OR4K2: variants seen among roughly 807,000 people sequenced by gnomAD.
OR4K2 encodes olfactory receptor 4K2.
A neutral mutation model predicts 10.5 loss-of-function variants in OR4K2; 8 were observed. That is an observed-to-expected ratio of 0.76 (90% CI 0.45 to 1.37). The LOEUF (loss-of-function observed/expected upper bound fraction) is 1.37. OR4K2 is among the 40% of genes most tolerant of loss of function. OR4K2 has a pLI of 0.00. For missense variants in OR4K2, 547 were observed against 379.5 expected (o/e 1.44, Z -3.67); for synonymous variants, 178 against 133.6 (o/e 1.33, Z -2.29).
In OR4K2 at chr14:19,876,358, T is replaced by A; in HGVS notation, c.91T>A (p.Phe31Ile). 6.2e-7 allele frequency: 1 copy of A among 1,614,104 alleles called. No individual in the cohort carries two copies. Among genetic ancestry groups the A allele is most frequent in the Non-Finnish European group, 8.5e-7 (1 of 1,179,966 alleles). Residue 31 changes from phenylalanine (F) to isoleucine (I), a missense_variant, in exon 2 of 2, where the codon TTT becomes ATT. Phe to Ile is a conservative substitution (Grantham distance 21). Coordinates refer to ENST00000641885, the MANE Select transcript of OR4K2 (RefSeq NM_001005501.2). The stretch of plus-strand genomic sequence containing the variant: ...ACTACAGATGTTTTTCTTTATGGTG[T>A]TTTCATTGCTTTATGTGGCAACAAT... ...WELQMFFFMV[F>I]SLLYVATMVG... is the part of the protein sequence containing the mutation.
rs557300031 is a variant in OR4K2, at chr14:19,875,875, G to A, written c.-283G>A. 1.5e-5 allele frequency: 3 copies of A among 194,064 alleles called. No individual in the cohort carries two copies. Among genetic ancestry groups the A allele is most frequent in the African/African-American group, 7.1e-5 (3 of 42,294 alleles). The allele number at this position is 194,064 out of a possible 1,614,324, so 12.0% of individuals were successfully genotyped here. A position where few individuals can be genotyped will look rare whatever the true frequency, so the allele number is the denominator to read the frequency against. On this transcript the variant is annotated 5_prime_UTR_variant, in exon 1 of 2. Coordinates refer to ENST00000641885, the MANE Select transcript of OR4K2 (RefSeq NM_001005501.2). ...ATTCCAAATGACTAAACATGTATGT[G>A]TATGTGTGTTTCACACATTGTCAGC...
rs1182867591 is a variant in OR4K2, at chr14:19,875,557, A to G, written c.-601A>G. ...AAATATTTATAAGGAACACAGTCAT[A>G]TTTTAATTAAAAAGAAAGGACCAAA... On this transcript the variant is annotated 5_prime_UTR_variant, in exon 1 of 2. It adds an upstream start codon to the 5' untranslated region. Transcript: ENST00000641885. The G allele has an allele frequency of 6.6e-6, 1 of 152,248 alleles. No homozygotes were observed. The highest frequency in any genetic ancestry group is 1.5e-5 in the Non-Finnish European group (1 of 68,024). 9.4% of individuals were successfully genotyped at this position (152,248 alleles called of 1,614,324 possible). A position where few individuals can be genotyped will look rare whatever the true frequency, so the allele number is the denominator to read the frequency against.
Position 19,877,073 on chromosome 14 carries a change from A to G in OR4K2, c.806A>G (p.Lys269Arg), listed in dbSNP as rs750557447. The change falls in exon 2 of 2, where the codon AAG becomes AGG. Residue 269 changes from lysine to arginine, a missense_variant. Physicochemically the swap from Lys to Arg is conservative, Grantham distance 26 (BLOSUM62 2). Transcript: ENST00000641885. The stretch of plus-strand genomic sequence containing the variant: ...CCACTAAGCAGCTTTCTCACAGACA[A>G]GATTCTGTCTGTGTTTTATACCATC... ...MWPLSSFLTD[K>R]ILSVFYTIFT... The G allele has an allele frequency of 3.1e-6, 5 of 1,611,400 alleles. No individual in the cohort carries two copies. The highest frequency in any genetic ancestry group is 2.5e-6 in the Non-Finnish European group (3 of 1,179,510).
chr14:19,876,260 T>A lies in OR4K2; in HGVS notation c.-8T>A, dbSNP rs774559229. 4.4e-5 allele frequency: 42 copies of A among 951,806 alleles called. No individual in the cohort carries two copies. Among genetic ancestry groups the A allele is most frequent in the Non-Finnish European group, 6.7e-5 (41 of 613,928 alleles). 59.0% of individuals were successfully genotyped at this position (951,806 alleles called of 1,614,324 possible). ...CGTGATACAGGCTTCTGCCTATGAATCAAGACAATGGATGTGGGCAATAAG... is the reference window on the plus strand; with the variant it reads ...CGTGATACAGGCTTCTGCCTATGAAACAAGACAATGGATGTGGGCAATAAG... On this transcript the variant is annotated 5_prime_UTR_variant, in exon 2 of 2. Coordinates refer to ENST00000641885, the MANE Select transcript of OR4K2 (RefSeq NM_001005501.2).
In OR4K2 at chr14:19,877,425, G is replaced by T; in HGVS notation, c.*213G>T. On this transcript the variant is annotated 3_prime_UTR_variant, in exon 2 of 2. Transcript: ENST00000641885. ...GACTATAAAAATGTCAGGAGTGACA[G>T]TTCCAGTTAGGACATTCAATATCAA... 1 of 460,950 alleles carries T rather than the reference G, an allele frequency of 2.2e-6. No individual in the cohort carries two copies. Among genetic ancestry groups the T allele is most frequent in the Non-Finnish European group, 3.9e-6 (1 of 257,840 alleles). 28.6% of individuals were successfully genotyped at this position (460,950 alleles called of 1,614,324 possible). A position where few individuals can be genotyped will look rare whatever the true frequency, so the allele number is the denominator to read the frequency against.
Position 19,877,092 on chromosome 14 carries a change from T to C in OR4K2, c.825T>C (p.Tyr275=). ...CAGACAAGATTCTGTCTGTGTTTTATACCATCTTTACTCCCACTCTGAACC... is the reference window on the plus strand; with the variant it reads ...CAGACAAGATTCTGTCTGTGTTTTACACCATCTTTACTCCCACTCTGAACC... ...FLTDKILSVF[Y]TIFTPTLNPI... Residue 275 remains tyrosine (Y), a synonymous_variant, in exon 2 of 2, where the codon TAT becomes TAC. Coordinates refer to ENST00000641885, the MANE Select transcript of OR4K2 (RefSeq NM_001005501.2). The C allele has an allele frequency of 1.2e-6, 2 of 1,609,774 alleles. No homozygotes were observed. The highest frequency in any genetic ancestry group is 4.5e-5 in the East Asian group (2 of 44,876).
rs1258077271 is a variant in OR4K2 at position 19,876,679 on chromosome 14, C to G, written c.412C>G (p.Pro138Ala). The G allele has an allele frequency of 1.2e-6, 2 of 1,614,020 alleles. No individual in the cohort carries two copies. Among genetic ancestry groups the G allele is most frequent in the Middle Eastern group, 1.6e-4 (1 of 6,082 alleles). ...CCTGCACTATGCTTCTGTCATTAGT[C>G]CCCAGGTGTGTGTTGCTCTCGTGGT... ...KPLHYASVIS[P>A]QVCVALVVAS... The change falls in exon 2 of 2, where the codon CCC becomes GCC. Residue 138 changes from proline to alanine, a missense_variant. Coordinates refer to ENST00000641885, the MANE Select transcript of OR4K2 (RefSeq NM_001005501.2).
At position 19,875,898 on chromosome 14, in the gene OR4K2, A is replaced by C. The variant is rs1190338532; in HGVS notation, c.-260A>C. The C allele has an allele frequency of 4.7e-6, 1 of 210,998 alleles. No individual in the cohort carries two copies. The highest frequency in any genetic ancestry group is 2.3e-5 in the African/African-American group (1 of 42,650). 13.1% of individuals were successfully genotyped at this position (210,998 alleles called of 1,614,324 possible). ...GTGTATGTGTGTTTCACACATTGTC[A>C]GCATAAAGTAAGTTCTTACTGTTAT... On this transcript the variant is annotated 5_prime_UTR_variant, in exon 1 of 2. Coordinates refer to ENST00000641885, the MANE Select transcript of OR4K2 (RefSeq NM_001005501.2).
Position 19,876,387 on chromosome 14 carries a change from G to A in OR4K2, c.120G>A (p.Val40=), listed in dbSNP as rs777621716. 8 of 1,613,958 alleles carry A rather than the reference G, an allele frequency of 5.0e-6. No homozygotes were observed. The highest frequency in any genetic ancestry group is 2.2e-5 in the South Asian group (2 of 91,080). ...CATTGCTTTATGTGGCAACAATGGT[G>A]GGTAACAGCCTCATAGTCATCACAG... ...VFSLLYVATM[V]GNSLIVITVI... Residue 40 remains valine, a synonymous_variant, in exon 2 of 2, where the codon GTG becomes GTA. Coordinates refer to ENST00000641885, the MANE Select transcript of OR4K2 (RefSeq NM_001005501.2).
Position 19,876,797 on chromosome 14 carries a change from T to C in OR4K2, c.530T>C (p.Phe177Ser). Residue 177 changes from phenylalanine (F) to serine (S), a missense_variant, in exon 2 of 2, where the codon TTT (phenylalanine) becomes TCT (serine). Phe to Ser is a radical substitution (Grantham distance 155). Coordinates refer to ENST00000641885, the MANE Select transcript of OR4K2 (RefSeq NM_001005501.2). ...TGTGGTCCCTATGAGGTAGACAGCT[T>C]TTTCTGTGACCTTCCTGTGGTGTTC... ...PFCGPYEVDS[F>S]FCDLPVVFQL... 6.2e-7 allele frequency: 1 copy of C among 1,614,230 alleles called. No individual in the cohort carries two copies. Among genetic ancestry groups the C allele is most frequent in the Non-Finnish European group, 8.5e-7 (1 of 1,180,022 alleles).
In OR4K2 at chr14:19,877,543, G is replaced by T; in HGVS notation, c.*331G>T. 1 of 234,056 alleles carries T rather than the reference G, an allele frequency of 4.3e-6. No homozygotes were observed. The highest frequency in any genetic ancestry group is 5.8e-5 in the South Asian group (1 of 17,184). 14.5% of individuals were successfully genotyped at this position (234,056 alleles called of 1,614,324 possible). On this transcript the variant is annotated 3_prime_UTR_variant, in exon 2 of 2. Coordinates refer to ENST00000641885, the MANE Select transcript of OR4K2 (RefSeq NM_001005501.2). The stretch of plus-strand genomic sequence containing the variant: ...AGATAATGACAATTACCCACAGTGA[G>T]CAACTGAGTCACTTAGTGAGATGCT...
At position 19,881,822 on chromosome 14, in the gene OR4K2, T is replaced by A. The variant is rs1355964147; in HGVS notation, c.*4610T>A. On this transcript the variant is annotated 3_prime_UTR_variant, in exon 2 of 2. Coordinates refer to ENST00000641885, the MANE Select transcript of OR4K2 (RefSeq NM_001005501.2). Reference sequence around the variant, plus strand: ...TAAAGAAAATTTAAAGGAGAGATTTTTTTTTTTAGTTTGAGACTAGAAATA... The same window carrying A: ...TAAAGAAAATTTAAAGGAGAGATTTATTTTTTTAGTTTGAGACTAGAAATA... The A allele has an allele frequency of 2.0e-5, 3 of 151,968 alleles. No homozygotes were observed. The highest frequency in any genetic ancestry group is 2.0e-4 in the Admixed American group (3 of 15,268). 9.4% of individuals were successfully genotyped at this position (151,968 alleles called of 1,614,324 possible). A position where few individuals can be genotyped will look rare whatever the true frequency, so the allele number is the denominator to read the frequency against.
Position 19,882,840 on chromosome 14 carries a change from T to TTC in OR4K2, c.*5629_*5630insCT. The TTC allele has an allele frequency of 6.6e-6, 1 of 150,774 alleles. No homozygotes were observed. Among genetic ancestry groups the TTC allele is most frequent in the East Asian group, 1.9e-4 (1 of 5,212 alleles). The allele number at this position is 150,774 out of a possible 1,614,324, so 9.3% of individuals were successfully genotyped here. A position where few individuals can be genotyped will look rare whatever the true frequency, so the allele number is the denominator to read the frequency against. ...TTTCTTTTTTTTTTCTTTTTTTTTT[T>TTC]TTTTTGAGACGGAGTCTTGCTCTGT... On this transcript the variant is annotated 3_prime_UTR_variant, in exon 2 of 2. Coordinates refer to ENST00000641885, the MANE Select transcript of OR4K2 (RefSeq NM_001005501.2).
rs368329389 is a variant in OR4K2, at chr14:19,876,740, G to C, written c.473G>C (p.Ser158Thr). The part of the protein sequence containing the change: ...SWIMGVMHSM[S>T]QVIFALTLPF... ...ATTATGGGAGTTATGCATTCAATGA[G>C]TCAGGTCATATTTGCCCTCACGTTA... The change falls in exon 2 of 2, where the codon AGT becomes ACT. Residue 158 changes from serine to threonine, a missense_variant. Coordinates refer to ENST00000641885, the MANE Select transcript of OR4K2 (RefSeq NM_001005501.2). 2 of 1,614,194 alleles carry C rather than the reference G, an allele frequency of 1.2e-6. No individual in the cohort carries two copies. Among genetic ancestry groups the C allele is most frequent in the Non-Finnish European group, 8.5e-7 (1 of 1,180,010 alleles).
Position 19,882,585 on chromosome 14 carries a change from C to T in OR4K2, c.*5373C>T, listed in dbSNP as rs1461829206. On this transcript the variant is annotated 3_prime_UTR_variant, in exon 2 of 2. Transcript: ENST00000641885. The stretch of plus-strand genomic sequence containing the variant: ...CAAAATAGAACTTCGCCAGCCACCC[C>T]TGAAGTCCTCAAGTTTGTTCATCTC... The T allele has an allele frequency of 1.3e-5, 2 of 152,394 alleles. No individual in the cohort carries two copies. Among genetic ancestry groups the T allele is most frequent in the East Asian group, 1.9e-4 (1 of 5,188 alleles). 9.4% of individuals were successfully genotyped at this position (152,394 alleles called of 1,614,324 possible). A position where few individuals can be genotyped will look rare whatever the true frequency, so the allele number is the denominator to read the frequency against.
At position 19,879,396 on chromosome 14, in the gene OR4K2, T is replaced by C. The variant is rs1334247391; in HGVS notation, c.*2184T>C. 1 of 152,300 alleles carries C rather than the reference T, an allele frequency of 6.6e-6. No individual in the cohort carries two copies. The highest frequency in any genetic ancestry group is 1.5e-5 in the Non-Finnish European group (1 of 68,096). The allele number at this position is 152,300 out of a possible 1,614,324, so 9.4% of individuals were successfully genotyped here. A position where few individuals can be genotyped will look rare whatever the true frequency, so the allele number is the denominator to read the frequency against. On this transcript the variant is annotated 3_prime_UTR_variant, in exon 2 of 2. Transcript: ENST00000641885. ...TAACTGCAGTGACATGGCCATGGAC[T>C]CGTTAAGCAATAGTAAGGATGGTGC...
At position 19,880,567 on chromosome 14, in the gene OR4K2, A is replaced by C. The variant is rs776571361; in HGVS notation, c.*3355A>C. On this transcript the variant is annotated 3_prime_UTR_variant, in exon 2 of 2. Transcript: ENST00000641885. ...ATGTTTTAAATATTCATGTCTGTAT[A>C]TGTGTGTCAGTATTAATTTGAAAAA... The C allele has an allele frequency of 3.3e-5, 5 of 152,248 alleles. No homozygotes were observed. Among genetic ancestry groups the C allele is most frequent in the Non-Finnish European group, 7.3e-5 (5 of 68,040 alleles). 9.4% of individuals were successfully genotyped at this position (152,248 alleles called of 1,614,324 possible).
In OR4K2 at chr14:19,880,249, T is replaced by C. The variant is rs2138533790; in HGVS notation, c.*3037T>C. On this transcript the variant is annotated 3_prime_UTR_variant, in exon 2 of 2. Coordinates refer to ENST00000641885, the MANE Select transcript of OR4K2 (RefSeq NM_001005501.2). ...CTTAGACTCTGGTATCTTTTTTTTT[T>C]TTAAACAGTGTTTAATACTACTTCT... is the stretch of plus-strand genomic sequence containing the variant. 1 of 152,434 alleles carries C rather than the reference T, an allele frequency of 6.6e-6. No homozygotes were observed. The highest frequency in any genetic ancestry group is 1.9e-4 in the East Asian group (1 of 5,192). The allele number at this position is 152,434 out of a possible 1,614,324, so 9.4% of individuals were successfully genotyped here.
chr14:19,882,696 T>C lies in OR4K2; in HGVS notation c.*5484T>C, dbSNP rs1881066370. 6.6e-6 allele frequency: 1 copy of C among 152,258 alleles called. No individual in the cohort carries two copies. Among genetic ancestry groups the C allele is most frequent in the East Asian group, 1.9e-4 (1 of 5,204 alleles). 9.4% of individuals were successfully genotyped at this position (152,258 alleles called of 1,614,324 possible). A position where few individuals can be genotyped will look rare whatever the true frequency, so the allele number is the denominator to read the frequency against. On this transcript the variant is annotated 3_prime_UTR_variant, in exon 2 of 2. Transcript: ENST00000641885. ...CTTTTCAGTTTCATGAATACATATA[T>C]ACTCAAATATACATCCATACACACT... is the stretch of plus-strand genomic sequence containing the variant.
Sources: allele counts gnomAD v4.1 joint callset, GRCh38; gene constraint gnomAD v4.1.1; transcripts MANE v1.5; gene names NCBI Gene and HGNC (gene_info 2026-07-23, HGNC 2026-07-21).